Variants in CREB5 observed in about 807,000 individuals in gnomAD.
The protein encoded by CREB5 is cAMP responsive element binding protein 5.
In CREB5, 19 loss-of-function variants were observed where a neutral mutation model predicts 57.1. The observed-to-expected ratio is 0.33, with a 90% confidence interval of 0.23 to 0.49. The LOEUF (loss-of-function observed/expected upper bound fraction) is 0.49. Among genes scored for constraint, CREB5 ranks in the 20% least tolerant of loss-of-function variants. The probability of loss-of-function intolerance (pLI) is 0.99; values close to 1 mark genes in which losing one functional copy is unlikely to be tolerated. For synonymous variants in CREB5, 238 were observed against 238.3 expected, an observed-to-expected ratio of 1.00 and a Z score of 0.01; for missense variants, 579 against 671.6, an observed-to-expected ratio of 0.86 and a Z score of 1.52.
chr7:28,532,608 T>A (rs1793778944), intron 4 of CREB5, among the ~76,000 whole-genome samples: 1 of 152,234 alleles, frequency 6.6e-6, no homozygotes, highest in African/African-American at 2.4e-5. Context: ...TTTGTTTGTT[T>A]GTTTTTGTTT....
intron 5 of CREB5, among the ~76,000 whole-genome samples, chr7:28,602,507 G>A (rs1583694880): frequency 6.6e-6 from 1 of 152,188 alleles, no homozygotes; most frequent in Non-Finnish European, 1.5e-5. Flanking sequence ...GTATATTCAT[G>A]TCATGGAATA....
intron 1 of CREB5, among the ~76,000 whole-genome samples, chr7:28,417,353 C>CTT (rs11433698): frequency 0.055 from 7,908 of 144,998 alleles, 416 homozygotes; most frequent in East Asian, 0.23. Flanking sequence ...CTTTCTCTCT[C>CTT]TTTTTTTTTT....
intron 1 of CREB5, among the ~76,000 whole-genome samples, chr7:28,406,326 C>T (rs1787578537): frequency 6.6e-6 from 1 of 152,188 alleles, no homozygotes; most frequent in Non-Finnish European, 1.5e-5. Flanking sequence ...GCCCAGGATC[C>T]AGCAACTAAA....
intron 1 of CREB5, among the ~76,000 whole-genome samples, chr7:28,482,722 A>G (rs1201143667): frequency 3.3e-5 from 5 of 152,226 alleles, no homozygotes; most frequent in Admixed American, 1.3e-4. Context: ...CCCCCCTTTC[A>G]GATTTATAAT....
intron 9 of CREB5, among the ~76,000 whole-genome samples, chr7:28,811,576 G>T (rs1002824169): frequency 5.3e-5 from 8 of 151,938 alleles, no homozygotes; most frequent in African/African-American, 1.7e-4. Context: ...TTATTATCTT[G>T]CCCAGGCTGG....
chr7:28,305,792 T>C (rs900299256), intron 1 of CREB5, among the ~76,000 whole-genome samples: 1 of 152,060 alleles, frequency 6.6e-6, no homozygotes, highest in African/African-American at 2.4e-5. Flanking sequence ...TACTTTTGAT[T>C]GATTCCAGTA....
At chr7:28,576,659 TG>T (rs1795921199) in intron 5 of CREB5, among the ~76,000 whole-genome samples, 1 of 152,242 alleles carries the variant, frequency 6.6e-6, no homozygotes, top group African/African-American at 2.4e-5. Context: ...AACATTTGGT[TG>T]CTCTATATTT....
At chr7:28,410,502 G>C (rs532159785), upstream of CREB5, 245 of 456,664 alleles carry the variant, frequency 5.4e-4, 1 homozygote, top group Non-Finnish European at 9.7e-4. Context: ...GCTGCATCCC[G>C]CTTCTTCTTT....
chr7:28,669,792 C>A (rs1388224861), intron 5 of CREB5, among the ~76,000 whole-genome samples: 1 of 152,138 alleles, frequency 6.6e-6, no homozygotes, highest in Non-Finnish European at 1.5e-5. Context: ...TGTCAAGAAT[C>A]TTTGTTGCTG....
At chr7:28,601,066 A>G (rs1562521206) in intron 5 of CREB5, among the ~76,000 whole-genome samples, 2 of 152,224 alleles carry the variant, frequency 1.3e-5, no homozygotes, top group South Asian at 2.1e-4. Context: ...GGAAAGGAGT[A>G]TGTAAAATTC....
chr7:28,665,841 A>G (rs1000235904), intron 5 of CREB5, among the ~76,000 whole-genome samples: 4 of 152,088 alleles, frequency 2.6e-5, no homozygotes, highest in Admixed American at 6.6e-5. Flanking sequence ...TACTGTAGGC[A>G]TGATCTAAAT....
chr7:28,719,800 G>A (rs911838755), intron 6 of CREB5, among the ~76,000 whole-genome samples: 5 of 152,166 alleles, frequency 3.3e-5, no homozygotes, highest in East Asian at 3.9e-4. Flanking sequence ...GGTGGCTCTC[G>A]CCTGTAATCC....
At chr7:28,515,653 G>A (rs1004972307) in intron 4 of CREB5, among the ~76,000 whole-genome samples, 4 of 151,776 alleles carry the variant, frequency 2.6e-5, no homozygotes, top group African/African-American at 9.7e-5. Flanking sequence ...ACCCTCTTTC[G>A]TTCCACTCCT....
chr7:28,365,504 A>G (rs781333348), intron 1 of CREB5, among the ~76,000 whole-genome samples: 3 of 152,022 alleles, frequency 2.0e-5, no homozygotes, highest in Admixed American at 6.6e-5. Flanking sequence ...AGGCATTGTG[A>G]TATCTTTATC....
rs1388575233 is a variant in CREB5, at chr7:28,824,695, A to T, written c.*5416A>T. 6.6e-6 allele frequency: 1 copy of T among 152,644 alleles called. No individual in the cohort carries two copies. Among genetic ancestry groups the T allele is most frequent in the Non-Finnish European group, 1.5e-5 (1 of 68,030 alleles). The allele number at this position is 152,644 out of a possible 1,614,324, so 9.5% of individuals were successfully genotyped here. A position where few individuals can be genotyped will look rare whatever the true frequency, so the allele number is the denominator to read the frequency against. On this transcript the variant is annotated 3_prime_UTR_variant, in exon 11 of 11. Transcript: ENST00000357727. The stretch of plus-strand genomic sequence containing the variant: ...TTTACTATTTCTTGTGGAGTTTTTC[A>T]GTGATGTAATGCTTGTAGCCAAATT...
At chr7:28,508,491 G>A (rs548855084) in intron 4 of CREB5, among the ~76,000 whole-genome samples, 1 of 152,326 alleles carries the variant, frequency 6.6e-6, no homozygotes, top group East Asian at 1.9e-4. Flanking sequence ...TGTGAAAGGT[G>A]ATTGAAAGGA....
At chr7:28,705,928 C>T (rs1802083097) in intron 5 of CREB5, among the ~76,000 whole-genome samples, 1 of 152,176 alleles carries the variant, frequency 6.6e-6, no homozygotes, top group Non-Finnish European at 1.5e-5. Flanking sequence ...CAGACACAGA[C>T]ATTTCAATTG....
intron 1 of CREB5, among the ~76,000 whole-genome samples, chr7:28,463,025 T>C (rs1263250946): frequency 6.6e-6 from 1 of 152,168 alleles, no homozygotes; most frequent in African/African-American, 2.4e-5. Context: ...GATAAAGATT[T>C]ATGTCTATGA....
Position 28,306,621 on chromosome 7 carries a change from C to T in CREB5, c.-25+7180C>T, listed in dbSNP as rs1186089680. On this transcript the variant is annotated intron_variant, in intron 1 of 9. Transcript: ENST00000396299. ...TGTCGCCCAGGCTGGAGTGCAGTGG[C>T]GGGATCTCGGCTCACTGCAAGCTCC... Among the ~76,000 whole-genome samples, 6 of 116,170 alleles carry T rather than the reference C, an allele frequency of 5.2e-5. No individual in the cohort carries two copies. In the East Asian group the frequency reaches 8.7e-4, roughly 17 times the overall value. 76.2% of individuals were successfully genotyped at this position (116,170 alleles called of 152,430 possible).
Sources: gnomAD v4.1 joint callset for allele counts (sites outside exome capture counted in the v4.1 genomes callset) on GRCh38, gnomAD v4.1.1 for gene constraint, MANE v1.5 for transcripts, NCBI Gene and HGNC (gene_info 2026-07-23, HGNC 2026-07-21) for gene names.